HDLBP: variants seen among roughly 807,000 people sequenced by gnomAD.
HDLBP encodes the protein vigilin.
HDLBP carries 30 observed loss-of-function variants against 137.3 expected under a neutral mutation model. That is an observed-to-expected ratio of 0.22 (90% CI 0.16 to 0.30). HDLBP has a LOEUF of 0.30. Ranked by LOEUF, HDLBP falls within the 10% of genes least tolerant of loss-of-function variation. The pLI, the probability that HDLBP is intolerant of heterozygous loss-of-function variation, is 1.00. For synonymous variants in HDLBP, 606 were observed against 596.0 expected (o/e 1.02, Z -0.24); for missense variants, 1,119 against 1,667.3 (o/e 0.67, Z 5.73).
At chr2:241,298,749 C>T (rs187431992) in intron 1 of HDLBP, among the ~76,000 whole-genome samples, 208 of 152,338 alleles carry the variant, frequency 1.4e-3, no homozygotes, top group Non-Finnish European at 2.5e-3. Context: ...CAGAGAAGAA[C>T]CCAGCCTCCT....
Position 241,272,236 on chromosome 2 carries a change from C to CCCCCG in HDLBP, c.-102-3700_-102-3696dup. The CCCCCG allele has an allele frequency of 1.0e-6, 1 of 967,978 alleles. No individual in the cohort carries two copies. Among genetic ancestry groups the CCCCCG allele is most frequent in the Non-Finnish European group, 1.2e-6 (1 of 814,072 alleles). The allele number at this position is 967,978 out of a possible 1,614,324, so 60.0% of individuals were successfully genotyped here. On this transcript the variant is annotated intron_variant, in intron 1 of 27. Transcript: ENST00000310931. This position sits in a 1 kb window ranked among gnomAD's most constrained non-coding sequence, Gnocchi z 5.6. ...CCCCGCCGCCCGGTCTGCGCCCAGA[C>CCCCCG]CCCCGCCCCGCCGCCACCTGGGGGG...
chr2:241,294,057 T>G (rs2075096708), intron 1 of HDLBP, among the ~76,000 whole-genome samples: 1 of 152,172 alleles, frequency 6.6e-6, no homozygotes, highest in African/African-American at 2.4e-5. Flanking sequence ...CACCCGAGAT[T>G]ACAATGATAC....
At chr2:241,249,025 A>G (rs1410671344) in intron 12 of HDLBP, among the ~76,000 whole-genome samples, 2 of 152,168 alleles carry the variant, frequency 1.3e-5, no homozygotes, top group East Asian at 3.9e-4. Flanking sequence ...TAAAGCAGCC[A>G]GGACAAGGGA....
At chr2:241,297,475 T>C (rs1394084547) in intron 1 of HDLBP, among the ~76,000 whole-genome samples, 1 of 152,174 alleles carries the variant, frequency 6.6e-6, no homozygotes, top group Non-Finnish European at 1.5e-5. Flanking sequence ...CATGGAGATA[T>C]TAAAAAATGA....
Position 241,229,486 on chromosome 2 carries a change from G to C in HDLBP, c.*115C>G, listed in dbSNP as rs1446929478. 8 of 764,830 alleles carry C rather than the reference G, an allele frequency of 1.0e-5. No homozygotes were observed. Among genetic ancestry groups the C allele is most frequent in the Non-Finnish European group, 1.7e-5 (8 of 463,142 alleles). The allele number at this position is 764,830 out of a possible 1,614,324, so 47.4% of individuals were successfully genotyped here. ...AGGCTCCCTGCGGGACCTCGGGAAG[G>C]GGGAAGAGCGTCAACAATTTACGGA... On this transcript the variant is annotated 3_prime_UTR_variant, in exon 28 of 28. Transcript: ENST00000310931.
At chr2:241,288,081 C>A (rs2149642392) in intron 1 of HDLBP, among the ~76,000 whole-genome samples, 1 of 152,282 alleles carries the variant, frequency 6.6e-6, no homozygotes, top group East Asian at 1.9e-4. Context: ...TTATATGAGG[C>A]TCTTTACTTT....
intron 1 of HDLBP, among the ~76,000 whole-genome samples, chr2:241,303,807 G>C (rs1260612729): frequency 6.6e-6 from 1 of 152,184 alleles, no homozygotes; most frequent in African/African-American, 2.4e-5. Flanking sequence ...GACAAGTTCA[G>C]AATATTACTT....
intron 12 of HDLBP, 69 bp downstream of exon 12, chr2:241,249,772 C>T (rs1220594066): frequency 1.4e-6 from 2 of 1,449,410 alleles, no homozygotes; most frequent in Admixed American, 4.4e-5. Context: ...CCACAACACG[C>T]TACTCCTTAG....
chr2:241,302,089 A>C (rs1187257317), intron 1 of HDLBP, among the ~76,000 whole-genome samples: 4 of 73,470 alleles, frequency 5.4e-5, no homozygotes, highest in African/African-American at 3.0e-4. Flanking sequence ...CCATCTCTAC[A>C]AAAAAAAAAA....
At chr2:241,245,388 A>C (rs1464210720) in intron 16 of HDLBP, among the ~76,000 whole-genome samples, 1 of 152,188 alleles carries the variant, frequency 6.6e-6, no homozygotes, top group Non-Finnish European at 1.5e-5. Context: ...GGTTTTGCCC[A>C]GGCTGGTCTT....
chr2:241,312,567 T>C (rs371446487), intron 1 of HDLBP, among the ~76,000 whole-genome samples: 2 of 152,246 alleles, frequency 1.3e-5, no homozygotes, highest in African/African-American at 4.8e-5. Flanking sequence ...CAAAAACCTT[T>C]ACACGCATTT....
In HDLBP at chr2:241,239,728, T is replaced by C; in HGVS notation, c.2484A>G (p.Glu828=). The change falls in exon 19 of 28, where the codon GAA becomes GAG. Residue 828 remains glutamate (E), a synonymous_variant. Transcript: ENST00000310931. The surrounding 1 kb of genome is among the most constrained non-coding windows in gnomAD (Gnocchi z 4.6). ...AGCTGACCATCACCCCGCCATACTC[T>C]TCAGCAATCTCCCGCAAGACCTGGC... The part of the protein sequence containing the change: ...RRGQVLREIA[E]EYGGVMVSFP... The C allele has an allele frequency of 6.2e-7, 1 of 1,614,212 alleles. No homozygotes were observed. The highest frequency in any genetic ancestry group is 1.3e-5 in the African/African-American group (1 of 75,062).
chr2:241,254,515 C>T (rs978139248), intron 9 of HDLBP, among the ~76,000 whole-genome samples: 2 of 149,374 alleles, frequency 1.3e-5, no homozygotes, highest in African/African-American at 4.9e-5. Context: ...GACAGAGTCT[C>T]GCTCTGTCGC....
rs938436601 is a variant in HDLBP, at chr2:241,227,337, C to T, written c.*2264G>A. The T allele has an allele frequency of 6.6e-6, 1 of 152,524 alleles. No homozygotes were observed. Among genetic ancestry groups the T allele is most frequent in the Non-Finnish European group, 1.5e-5 (1 of 68,044 alleles). The allele number at this position is 152,524 out of a possible 1,614,324, so 9.4% of individuals were successfully genotyped here. On this transcript the variant is annotated 3_prime_UTR_variant, in exon 28 of 28. Coordinates refer to ENST00000310931, the MANE Select transcript of HDLBP (RefSeq NM_005336.6). ...AGAATTTATAAAATTCCAGTGTCAT[C>T]CATATTCATGAGCCTTTACACATGT... is the stretch of plus-strand genomic sequence containing the variant.
intron 1 of HDLBP, chr2:241,271,071 C>T (rs1207594795): frequency 3.0e-6 from 3 of 985,322 alleles, no homozygotes. Context: ...TCTACAACTT[C>T]TTTCCCCTTT....
Position 241,236,757 on chromosome 2 carries a change from T to A in HDLBP, c.2762A>T (p.Glu921Val), listed in dbSNP as rs746849248. ...GTCCCCATTCTCCTGGACAACTGGC[T>A]CTGTACTGTGAACTAGAGAGAAAGG... Reference protein sequence around the residue: ...DREENAVHSTEPVVQENGDEA... With the variant: ...DREENAVHSTVPVVQENGDEA... Residue 921 changes from glutamate to valine, a missense_variant, in exon 21 of 28, where the codon GAG becomes GTG. Physicochemically the swap from Glu to Val is moderately radical, Grantham distance 121. Transcript: ENST00000310931. 1 of 1,614,094 alleles carries A rather than the reference T, an allele frequency of 6.2e-7. No homozygotes were observed.
intron 1 of HDLBP, among the ~76,000 whole-genome samples, chr2:241,283,203 CTCTT>C (rs560068044): frequency 5.2e-4 from 79 of 152,332 alleles, no homozygotes; most frequent in African/African-American, 1.8e-3. Context: ...GGCCCTAACT[CTCTT>C]TAATTCCATG....
intron 1 of HDLBP, among the ~76,000 whole-genome samples, chr2:241,271,607 T>C (rs532733067): frequency 6.6e-6 from 1 of 152,176 alleles, no homozygotes; most frequent in African/African-American, 2.4e-5. Flanking sequence ...CAACTACATA[T>C]TCAAGGGGCA....
intron 1 of HDLBP, among the ~76,000 whole-genome samples, chr2:241,312,747 C>T (rs2075790193): frequency 1.3e-5 from 2 of 152,156 alleles, no homozygotes; most frequent in African/African-American, 4.8e-5. Flanking sequence ...CTTTGTACTC[C>T]AAAAAGCATG....
Sources: allele counts gnomAD v4.1 joint callset (sites outside exome capture counted in the v4.1 genomes callset), GRCh38; gene constraint gnomAD v4.1.1; non-coding constraint Gnocchi (gnomAD v3.1); transcripts MANE v1.5; gene names NCBI Gene and HGNC (gene_info 2026-07-23, HGNC 2026-07-21).